The following TGS1 variants were observed in gnomAD, a reference collection of about 807,000 sequenced individuals.
TGS1 encodes trimethylguanosine synthase.
TGS1 carries 69 observed loss-of-function variants against 92.2 expected under a neutral mutation model. That is an observed-to-expected ratio of 0.75 (90% CI 0.62 to 0.91). The LOEUF (loss-of-function observed/expected upper bound fraction) is 0.91, where lower values mean the gene tolerates loss of function less well. TGS1 is among the 40% of genes least tolerant of loss of function. TGS1 has a pLI of 0.00. For missense variants in TGS1, 1,062 were observed against 1,001.2 expected, an observed-to-expected ratio of 1.06 and a Z score of -0.82; for synonymous variants, 345 against 338.1, an observed-to-expected ratio of 1.02 and a Z score of -0.22.
rs896300742 is a variant in TGS1, at chr8:55,810,788, T to A, written c.2144-93T>A. On this transcript the variant is annotated intron_variant, in intron 10 of 12. Transcript: ENST00000260129. The stretch of plus-strand genomic sequence containing the variant: ...TCCTCCTCTTTATAAAGAGTTCTTA[T>A]ACAGAAGATGACAGACTATTCGAAA... The A allele has an allele frequency of 1.6e-5, 16 of 1,032,006 alleles. 1 individual carries two copies. In the African/African-American group the frequency reaches 2.5e-4, roughly 16 times the overall value. The allele number at this position is 1,032,006 out of a possible 1,614,324, so 63.9% of individuals were successfully genotyped here. A position where few individuals can be genotyped will look rare whatever the true frequency, so the allele number is the denominator to read the frequency against.
At chr8:55,802,025 T>C (rs1483436202) in intron 8 of TGS1, among the ~76,000 whole-genome samples, 3 of 152,068 alleles carry the variant, frequency 2.0e-5, no homozygotes, top group Non-Finnish European at 4.4e-5. Context: ...AAACCCCGTC[T>C]CTACTAAAAT....
intron 12 of TGS1, among the ~76,000 whole-genome samples, chr8:55,823,606 C>T (rs1302714260): frequency 2.0e-5 from 3 of 152,070 alleles, no homozygotes; most frequent in Non-Finnish European, 4.4e-5. Context: ...AGGCTAGACT[C>T]CTCATGAGAG....
At chr8:55,791,588 T>G (rs1811886596) in intron 5 of TGS1, among the ~76,000 whole-genome samples, 1 of 152,214 alleles carries the variant, frequency 6.6e-6, no homozygotes, top group East Asian at 1.9e-4. Context: ...CACCAGCTGT[T>G]TGTTGTAAGA....
At chr8:55,791,766 T>G (rs28396163) in intron 5 of TGS1, among the ~76,000 whole-genome samples, 1 of 152,112 alleles carries the variant, frequency 6.6e-6, no homozygotes, top group Admixed American at 6.5e-5. Context: ...CAAATAAAAG[T>G]TCTTTTTTTT....
At chr8:55,794,490 G>A (rs994306812) in intron 6 of TGS1, among the ~76,000 whole-genome samples, 4 of 152,216 alleles carry the variant, frequency 2.6e-5, no homozygotes, top group African/African-American at 9.6e-5. Flanking sequence ...CAGTGCAGGT[G>A]CAGTGGCTCA....
chr8:55,817,579 T>C (rs1484184099), intron 12 of TGS1, among the ~76,000 whole-genome samples: 1 of 152,214 alleles, frequency 6.6e-6, no homozygotes, highest in Non-Finnish European at 1.5e-5. Context: ...ATTTAATAAA[T>C]AGAAGATTGG....
In TGS1 at chr8:55,789,266, G is replaced by C. The variant is rs1185937448; in HGVS notation, c.1163-916G>C. Among the ~76,000 whole-genome samples, 2 of 152,120 alleles carry C rather than the reference G, an allele frequency of 1.3e-5. 1 individual carries two copies. Among genetic ancestry groups the C allele is most frequent in the Non-Finnish European group, 2.9e-5 (2 of 68,018 alleles). On this transcript the variant is annotated intron_variant, in intron 4 of 12. Transcript: ENST00000260129. ...CCAGTCTGACAAAATAGAGAACAAAGACAGATTTGTGCCTCAGTTTTTGTC... is the reference window on the plus strand; with the variant it reads ...CCAGTCTGACAAAATAGAGAACAAACACAGATTTGTGCCTCAGTTTTTGTC...
At chr8:55,789,234 CT>C (rs1811805737) in intron 4 of TGS1, among the ~76,000 whole-genome samples, 1 of 152,212 alleles carries the variant, frequency 6.6e-6, no homozygotes, top group Non-Finnish European at 1.5e-5. Context: ...CAGCCACCCA[CT>C]TTCTTCCAGT....
intron 12 of TGS1, among the ~76,000 whole-genome samples, chr8:55,819,331 T>C (rs915823941): frequency 2.8e-5 from 4 of 144,180 alleles, no homozygotes; most frequent in African/African-American, 7.8e-5. Context: ...AGTTTTGCTC[T>C]TGTTGCCCAG....
Position 55,811,115 on chromosome 8 carries a change from T to G in TGS1, c.2360+18T>G. The G allele has an allele frequency of 6.7e-7, 1 of 1,487,506 alleles. No individual in the cohort carries two copies. The highest frequency in any genetic ancestry group is 9.1e-7 in the Non-Finnish European group (1 of 1,103,362). 92.1% of individuals were successfully genotyped at this position (1,487,506 alleles called of 1,614,324 possible). On this transcript the variant is annotated intron_variant, in intron 11 of 12. Transcript: ENST00000260129. ...CCTGATGGATATCCTTTGGAAGTCT[T>G]AAGAGTTTACTGAAACAATGATTGT...
chr8:55,774,273 C>T (rs983004967), intron 1 of TGS1, among the ~76,000 whole-genome samples: 1 of 152,114 alleles, frequency 6.6e-6, no homozygotes, highest in African/African-American at 2.4e-5. Context: ...AGGAATAATA[C>T]CGCCAAGAGA....
chr8:55,793,252 G>A (rs905264928), intron 6 of TGS1, among the ~76,000 whole-genome samples: 4 of 152,260 alleles, frequency 2.6e-5, no homozygotes, highest in Admixed American at 6.5e-5. Context: ...TCTTCCAGTC[G>A]TTCTCAAATG....
In TGS1 at chr8:55,786,186, C is replaced by A; in HGVS notation, c.340-52C>A. 4.0e-6 allele frequency: 4 copies of A among 1,001,146 alleles called. No homozygotes were observed. The South Asian group carries it at 7.5e-5, about 19-fold the overall frequency. 62.0% of individuals were successfully genotyped at this position (1,001,146 alleles called of 1,614,324 possible). A position where few individuals can be genotyped will look rare whatever the true frequency, so the allele number is the denominator to read the frequency against. On this transcript the variant is annotated intron_variant, in intron 3 of 12. Transcript: ENST00000260129. ...TCAAAATAGACTTGGATTCTACTTTCTTTTATAGTTCATAAAGTGCATTTT... is the reference window on the plus strand; with the variant it reads ...TCAAAATAGACTTGGATTCTACTTTATTTTATAGTTCATAAAGTGCATTTT...
At chr8:55,778,816 G>A (rs1486742768) in intron 1 of TGS1, among the ~76,000 whole-genome samples, 2 of 152,174 alleles carry the variant, frequency 1.3e-5, no homozygotes, top group African/African-American at 4.8e-5. Flanking sequence ...ATTGCTACTT[G>A]TACTTCAGAT....
rs117971388 is a variant in TGS1 at position 55,777,135 on chromosome 8, A to G, written c.101+3416A>G. Among the ~76,000 whole-genome samples the G allele has an allele frequency of 9.3e-3, 1,412 of 151,716 alleles. 106 individuals carry two copies. The South Asian group carries it at 0.15, about 16-fold the overall frequency. The stretch of plus-strand genomic sequence containing the variant: ...CAATCCTCCTACCTTAGCCTCCTGA[A>G]TAGCTGGGACCACAGCTATGCACCA... On this transcript the variant is annotated intron_variant, in intron 1 of 12. Coordinates refer to ENST00000260129, the MANE Select transcript of TGS1 (RefSeq NM_024831.8).
chr8:55,795,933 A>G (rs1812030610), intron 6 of TGS1, 45 bp from the exon 7 acceptor site: 1 of 1,434,048 alleles, frequency 7.0e-7, no homozygotes, highest in Non-Finnish European at 9.7e-7. Flanking sequence ...AGGAAATATA[A>G]TCCTAGAATT....
Position 55,810,966 on chromosome 8 carries a change from C to A in TGS1, c.2229C>A (p.Phe743Leu), listed in dbSNP as rs1162399519. ...ATGGGATAGCAGATAAGATAGAGTT[C>A]ATCTGTGGAGATTTCTTGCTGCTGG... is the stretch of plus-strand genomic sequence containing the variant. ...EVYGIADKIE[F>L]ICGDFLLLAS... is the part of the protein sequence containing the mutation. The change falls in exon 11 of 13, where the codon TTC becomes TTA. Residue 743 changes from phenylalanine (F) to leucine (L), a missense_variant. Phe to Leu is a conservative substitution (Grantham distance 22). Coordinates refer to ENST00000260129, the MANE Select transcript of TGS1 (RefSeq NM_024831.8). 2 of 1,614,006 alleles carry A rather than the reference C, an allele frequency of 1.2e-6. No homozygotes were observed. Among genetic ancestry groups the A allele is most frequent in the African/African-American group, 2.7e-5 (2 of 74,926 alleles).
At chr8:55,778,570 A>G (rs1289763117) in intron 1 of TGS1, among the ~76,000 whole-genome samples, 6 of 152,196 alleles carry the variant, frequency 3.9e-5, no homozygotes, top group Admixed American at 6.5e-5. Flanking sequence ...TCTTTCATAT[A>G]TGATACAACG....
chr8:55,821,824 G>A (rs901348674), intron 12 of TGS1, among the ~76,000 whole-genome samples: 10 of 151,850 alleles, frequency 6.6e-5, no homozygotes, highest in Admixed American at 5.2e-4. Context: ...AGTACTAGCC[G>A]AGATCACGCC....
Sources: allele counts gnomAD v4.1 joint callset (sites outside exome capture counted in the v4.1 genomes callset), GRCh38; gene constraint gnomAD v4.1.1; transcripts MANE v1.5; gene names NCBI Gene and HGNC (gene_info 2026-07-23, HGNC 2026-07-21).